Variants in COL9A2 observed in about 807,000 individuals in gnomAD.
The protein encoded by COL9A2 is collagen type IX alpha 2 chain.
Under a neutral mutation model 111.6 loss-of-function variants are expected in COL9A2, and 66 were observed. That is an observed-to-expected ratio of 0.59 (90% CI 0.48 to 0.73). The LOEUF is 0.73. Ranked by LOEUF, COL9A2 falls within the 30% of genes least tolerant of loss-of-function variation. The pLI is 0.00. For missense variants in COL9A2, 881 were observed against 954.1 expected (o/e 0.92, Z 1.01); for synonymous variants, 353 against 364.1 (o/e 0.97, Z 0.35).
At position 40,302,657 on chromosome 1, in the gene COL9A2, C is replaced by A; in HGVS notation, c.1756G>T (p.Gly586Ter). ...PGPRGVPGIV[G>*]AVGQIGNTGP... ...GTGTTGCCGATCTGACCCACGGCTC[C>A]CACGATGCCAGGAACGCCCCGAGGG... Residue 586 changes from glycine to a stop codon, truncating the protein, a stop_gained, in exon 30 of 32, where the codon GGA becomes TGA. Transcript: ENST00000372748. LOFTEE classifies it high-confidence loss of function. The surrounding 1 kb of genome is among the most constrained non-coding windows in gnomAD (Gnocchi z 4.5). The A allele has an allele frequency of 6.2e-7, 1 of 1,604,268 alleles. No homozygotes were observed. The highest frequency in any genetic ancestry group is 1.3e-5 in the African/African-American group (1 of 74,700).
chr1:40,301,472 T>C, intron 31 of COL9A2, 91 bp from the exon 32 acceptor site: 1 of 1,160,666 alleles, frequency 8.6e-7, no homozygotes. Context: ...ATGGAGAAAA[T>C]GAGGCCAAAA....
In COL9A2 at chr1:40,301,282, G is replaced by C. The variant is rs1643911204; in HGVS notation, c.1970C>G (p.Pro657Arg). 6.2e-7 allele frequency: 1 copy of C among 1,613,572 alleles called. No individual in the cohort carries two copies. Among genetic ancestry groups the C allele is most frequent in the Admixed American group, 1.7e-5 (1 of 59,988 alleles). Residue 657 changes from proline (P) to arginine (R), a missense_variant, in exon 32 of 32, where the codon CCC (proline) becomes CGC (arginine). By Grantham distance (103) the Pro-to-Arg change is moderately radical. Coordinates refer to ENST00000372748, the MANE Select transcript of COL9A2 (RefSeq NM_001852.4). ...TTCACAGAAGCCCGGCAGCCCCACG[G>C]GGCCTGGCAGGCCAGGTCGACCTGC... ...GEAGRPGLPGPVGLPGFCEPA... is the reference protein window; with the variant it reads ...GEAGRPGLPGRVGLPGFCEPA...
In COL9A2 at chr1:40,311,470, GT is replaced by G; in HGVS notation, c.519+29del. ...CATCTCTGTGGCCCCGCCCCCCTGTGTTAGCCCCGCCCCAGACCTCGTCTCT... is the reference window on the plus strand; with the variant it reads ...CATCTCTGTGGCCCCGCCCCCCTGTGTAGCCCCGCCCCAGACCTCGTCTCT... On this transcript the variant is annotated intron_variant, in intron 10 of 31. Coordinates refer to ENST00000372748, the MANE Select transcript of COL9A2 (RefSeq NM_001852.4). The surrounding 1 kb of genome is among the most constrained non-coding windows in gnomAD (Gnocchi z 5.1). 6.5e-7 allele frequency: 1 copy of G among 1,536,604 alleles called. No individual in the cohort carries two copies. Among genetic ancestry groups the G allele is most frequent in the Non-Finnish European group, 9.0e-7 (1 of 1,115,256 alleles).
At position 40,310,110 on chromosome 1, in the gene COL9A2, C is replaced by T; in HGVS notation, c.792+1G>A. 1 of 1,613,978 alleles carries T rather than the reference C, an allele frequency of 6.2e-7. No individual in the cohort carries two copies. The highest frequency in any genetic ancestry group is 1.3e-5 in the African/African-American group (1 of 75,036). ...GGGTAGGGGAGCAAAAAGAGGCTTA[C>T]CGGTGGCCCAGTGGCACCGATAGCG... On this transcript the variant is annotated splice_donor_variant, in intron 15 of 31. Transcript: ENST00000372748. LOFTEE classifies it high-confidence loss of function. This position sits in a 1 kb window ranked among gnomAD's most constrained non-coding sequence, Gnocchi z 4.9.
At chr1:40,304,712 G>A in intron 22 of COL9A2, 82 bp downstream of exon 22, 1 of 1,439,176 alleles carries the variant, frequency 6.9e-7, no homozygotes, top group Non-Finnish European at 9.5e-7. Flanking sequence ...CATCTCACGG[G>A]CTGCACGGAG....
Position 40,314,418 on chromosome 1 carries a change from C to A in COL9A2, c.151-31G>T, listed in dbSNP as rs1406747872. The A allele has an allele frequency of 6.2e-7, 1 of 1,614,000 alleles. No individual in the cohort carries two copies. The highest frequency in any genetic ancestry group is 2.2e-5 in the East Asian group (1 of 44,900). ...AGATACAAGTTGGTGAGACAGCACA[C>A]TACGGCTCACACTACCCCAAGTGGG... On this transcript the variant is annotated intron_variant, in intron 2 of 31. Transcript: ENST00000372748. This position sits in a 1 kb window ranked among gnomAD's most constrained non-coding sequence, Gnocchi z 4.1.
chr1:40,301,144 C>T lies in COL9A2; in HGVS notation c.*38G>A, dbSNP rs547105794. ...CACCCAGAGGGGACCTGGTCCTTCCCGCCAGGATGCCTGCCAGGCTCTGTC... is the reference window on the plus strand; with the variant it reads ...CACCCAGAGGGGACCTGGTCCTTCCTGCCAGGATGCCTGCCAGGCTCTGTC... On this transcript the variant is annotated 3_prime_UTR_variant, in exon 32 of 32. Transcript: ENST00000372748. 95 of 1,608,836 alleles carry T rather than the reference C, an allele frequency of 5.9e-5. No homozygotes were observed. The East Asian group carries it at 1.3e-3, about 22-fold the overall frequency.
chr1:40,305,061 C>CTTTTT (rs869251364), intron 21 of COL9A2: 695 of 123,506 alleles, frequency 5.6e-3, no homozygotes, highest in East Asian at 7.6e-3. Flanking sequence ...TTCTTTCTTT[C>CTTTTT]TTTTTTTTTT....
chr1:40,310,438 A>C lies in COL9A2; in HGVS notation c.685-121T>G, dbSNP rs575968145. On this transcript the variant is annotated intron_variant, in intron 13 of 31. Coordinates refer to ENST00000372748, the MANE Select transcript of COL9A2 (RefSeq NM_001852.4). The surrounding 1 kb of genome is among the most constrained non-coding windows in gnomAD (Gnocchi z 4.9). The stretch of plus-strand genomic sequence containing the variant: ...AGGTAGGCAGCAGAGTCTCTGTCTC[A>C]TGGATGGGACATGGAGGTTCAGAGA... 5.8e-6 allele frequency: 6 copies of C among 1,041,718 alleles called. No homozygotes were observed. Among genetic ancestry groups the C allele is most frequent in the Middle Eastern group, 4.5e-4 (2 of 4,436 alleles). The allele number at this position is 1,041,718 out of a possible 1,614,324, so 64.5% of individuals were successfully genotyped here.
rs1644143648 is a variant in COL9A2 at position 40,312,351 on chromosome 1, C to G, written c.363+105G>C. Reference sequence around the variant, plus strand: ...GGTCCACTTATTCCTGACACTATCACAGCAAGCTGGCTCCTTCCCATGGTG... The same window carrying G: ...GGTCCACTTATTCCTGACACTATCAGAGCAAGCTGGCTCCTTCCCATGGTG... On this transcript the variant is annotated intron_variant, in intron 7 of 31. Transcript: ENST00000372748. The surrounding 1 kb of genome is among the most constrained non-coding windows in gnomAD (Gnocchi z 6.0). The G allele has an allele frequency of 1.3e-6, 2 of 1,485,724 alleles. No homozygotes were observed. The highest frequency in any genetic ancestry group is 1.7e-4 in the Middle Eastern group (1 of 5,860). The allele number at this position is 1,485,724 out of a possible 1,614,324, so 92.0% of individuals were successfully genotyped here. A position where few individuals can be genotyped will look rare whatever the true frequency, so the allele number is the denominator to read the frequency against.
Position 40,311,406 on chromosome 1 carries a change from A to G in COL9A2, c.519+94T>C. On this transcript the variant is annotated intron_variant, in intron 10 of 31. Coordinates refer to ENST00000372748, the MANE Select transcript of COL9A2 (RefSeq NM_001852.4). The surrounding 1 kb of genome is among the most constrained non-coding windows in gnomAD (Gnocchi z 5.1). ...AACCCCTGCACTGCAGCCCCTCCCC[A>G]TCTCTCCAGACACCCCCATCTCCGT... 2.6e-6 allele frequency: 4 copies of G among 1,538,714 alleles called. No individual in the cohort carries two copies. The highest frequency in any genetic ancestry group is 2.3e-5 in the East Asian group (1 of 43,242).
chr1:40,316,651 C>G lies in COL9A2; in HGVS notation c.75+472G>C. ...CGACCGGGCCCAGTCTCTGCCCTACCCGCGCGCCCGCAGCCCCCGGCGGCC... is the reference window on the plus strand; with the variant it reads ...CGACCGGGCCCAGTCTCTGCCCTACGCGCGCGCCCGCAGCCCCCGGCGGCC... On this transcript the variant is annotated intron_variant, in intron 1 of 31. Transcript: ENST00000372748. The surrounding 1 kb of genome is among the most constrained non-coding windows in gnomAD (Gnocchi z 5.5). 2 of 439,492 alleles carry G rather than the reference C, an allele frequency of 4.6e-6. No homozygotes were observed. Among genetic ancestry groups the G allele is most frequent in the Non-Finnish European group, 9.1e-6 (2 of 219,916 alleles). 27.2% of individuals were successfully genotyped at this position (439,492 alleles called of 1,614,324 possible).
At chr1:40,313,910 T>C (rs1159058360) in intron 4 of COL9A2, among the ~76,000 whole-genome samples, 3 of 152,148 alleles carry the variant, frequency 2.0e-5, no homozygotes, top group Non-Finnish European at 2.9e-5. Context: ...AGCCTGATCC[T>C]TGGAGGCCAG....
In COL9A2 at chr1:40,303,114, G is replaced by A; in HGVS notation, c.1603+17C>T. On this transcript the variant is annotated intron_variant, in intron 29 of 31. Transcript: ENST00000372748. This position sits in a 1 kb window ranked among gnomAD's most constrained non-coding sequence, Gnocchi z 4.6. ...ATGCCCTCGAACTGACTGTGAGGAG[G>A]GGTTGCTGCCCCTCACCTTGCAGCA... 6.2e-7 allele frequency: 1 copy of A among 1,611,024 alleles called. No homozygotes were observed. The highest frequency in any genetic ancestry group is 2.2e-5 in the East Asian group (1 of 44,842).
In COL9A2 at chr1:40,310,135, G is replaced by A. The variant is rs150444024; in HGVS notation, c.768C>T (p.Gly256=). Residue 256 remains glycine, a synonymous_variant, in exon 15 of 32, where the codon GGC becomes GGT. Coordinates refer to ENST00000372748, the MANE Select transcript of COL9A2 (RefSeq NM_001852.4). The surrounding 1 kb of genome is among the most constrained non-coding windows in gnomAD (Gnocchi z 4.9). ...CCGGTGGCCCAGTGGCACCGATAGC[G>A]CCCACCATGCCTTTATATCCATGAG... ...TGPHGYKGMV[G]AIGATGPPGE... 9.0e-5 allele frequency: 146 copies of A among 1,613,950 alleles called. No homozygotes were observed. The highest frequency in any genetic ancestry group is 4.3e-4 in the African/African-American group (32 of 74,982).
intron 2 of COL9A2, chr1:40,315,148 T>G (rs1488312850): frequency 1.0e-5 from 9 of 895,518 alleles, no homozygotes; most frequent in Non-Finnish European, 1.2e-5. Flanking sequence ...CAAGCCCAGC[T>G]GATTCTAAAT....
In COL9A2 at chr1:40,316,013, T is replaced by A. The variant is rs1644213225; in HGVS notation, c.76-349A>T. 1 of 255,546 alleles carries A rather than the reference T, an allele frequency of 3.9e-6. No homozygotes were observed. The highest frequency in any genetic ancestry group is 5.2e-5 in the Admixed American group (1 of 19,382). The allele number at this position is 255,546 out of a possible 1,614,324, so 15.8% of individuals were successfully genotyped here. On this transcript the variant is annotated intron_variant, in intron 1 of 31. Coordinates refer to ENST00000372748, the MANE Select transcript of COL9A2 (RefSeq NM_001852.4). The surrounding 1 kb of genome is among the most constrained non-coding windows in gnomAD (Gnocchi z 5.5). Reference sequence around the variant, plus strand: ...ACTGTGCCAGTTTGCCCTTGCGCGGTCGCGGTGGGGAATAGATGGAGACGT... The same window carrying A: ...ACTGTGCCAGTTTGCCCTTGCGCGGACGCGGTGGGGAATAGATGGAGACGT...
rs142867960 is a variant in COL9A2, at chr1:40,301,290, C to A, written c.1962G>T (p.Leu654=). 602 of 1,612,884 alleles carry A rather than the reference C, an allele frequency of 3.7e-4. No individual in the cohort carries two copies. The highest frequency in any genetic ancestry group is 4.6e-4 in the Non-Finnish European group (540 of 1,179,424). The part of the protein sequence containing the change: ...GAPGEAGRPG[L]PGPVGLPGFC... The stretch of plus-strand genomic sequence containing the variant: ...AGCCCGGCAGCCCCACGGGGCCTGG[C>A]AGGCCAGGTCGACCTGCCTCTCCTG... Residue 654 remains leucine, a synonymous_variant, in exon 32 of 32, where the codon CTG becomes CTT. Transcript: ENST00000372748.
chr1:40,308,558 G>A (rs568887690), intron 16 of COL9A2, among the ~76,000 whole-genome samples: 1 of 152,376 alleles, frequency 6.6e-6, no homozygotes, highest in Non-Finnish European at 1.5e-5. Flanking sequence ...ACCGAATGCA[G>A]TGTGTGGATG....
Sources: gnomAD v4.1 joint callset for allele counts (sites outside exome capture counted in the v4.1 genomes callset) on GRCh38, gnomAD v4.1.1 for gene constraint, Gnocchi (gnomAD v3.1) non-coding constraint, MANE v1.5 for transcripts, NCBI Gene and HGNC (gene_info 2026-07-23, HGNC 2026-07-21) for gene names.